The following CNTN5 variants were observed in gnomAD, a reference collection of about 807,000 sequenced individuals.
The protein encoded by CNTN5 is contactin 5, also known as contactin-5.
In CNTN5, 77 loss-of-function variants were observed where a neutral mutation model predicts 129.1. That is an observed-to-expected ratio of 0.60 (90% CI 0.50 to 0.72). The LOEUF is 0.72. Among genes scored for constraint, CNTN5 ranks in the 30% least tolerant of loss-of-function variants. The pLI is 0.00. For synonymous variants in CNTN5, 509 were observed against 465.6 expected (o/e 1.09, Z -1.20); for missense variants, 1,478 against 1,328.8 (o/e 1.11, Z -1.75).
intron 9 of CNTN5, among the ~76,000 whole-genome samples, chr11:100,020,585 T>C (rs1282335648): frequency 6.6e-6 from 1 of 152,128 alleles, no homozygotes; most frequent in African/African-American, 2.4e-5. Context: ...TTTGTTCTTT[T>C]TGCTCAAGCT....
chr11:100,145,268 C>G (rs928150844), intron 13 of CNTN5, among the ~76,000 whole-genome samples: 1 of 152,062 alleles, frequency 6.6e-6, no homozygotes, highest in Non-Finnish European at 1.5e-5. Flanking sequence ...CTGTCGTTAC[C>G]ATTCTGGATA....
intron 3 of CNTN5, among the ~76,000 whole-genome samples, chr11:99,779,854 C>T (rs1302120777): frequency 6.6e-6 from 1 of 151,890 alleles, no homozygotes; most frequent in Non-Finnish European, 1.5e-5. Context: ...CTGTGCAATC[C>T]ACCTAGACCC....
chr11:99,463,174 C>T (rs1447605890), intron 2 of CNTN5, among the ~76,000 whole-genome samples: 3 of 143,160 alleles, frequency 2.1e-5, no homozygotes, highest in Non-Finnish European at 4.6e-5. Context: ...CGCGGTGACT[C>T]ATGCCTGTAA....
intron 6 of CNTN5, among the ~76,000 whole-genome samples, chr11:99,864,344 C>T (rs182011112): frequency 3.7e-4 from 56 of 152,152 alleles, no homozygotes; most frequent in African/African-American, 1.3e-3. Context: ...TCTCTTCCTG[C>T]CACTCACTCT....
chr11:99,364,374 A>G (rs541470415), intron 2 of CNTN5, among the ~76,000 whole-genome samples: 1 of 152,240 alleles, frequency 6.6e-6, no homozygotes, highest in African/African-American at 2.4e-5. Flanking sequence ...TAGCTTATCT[A>G]ACATATATTT....
At chr11:100,028,037 A>G (rs1017913619) in intron 9 of CNTN5, among the ~76,000 whole-genome samples, 8 of 152,200 alleles carry the variant, frequency 5.3e-5, no homozygotes, top group African/African-American at 1.7e-4. Context: ...CATTTGGAAT[A>G]TTGCATATTT....
chr11:100,206,665 T>C (rs1386131090), intron 15 of CNTN5, among the ~76,000 whole-genome samples: 1 of 152,080 alleles, frequency 6.6e-6, no homozygotes, highest in Non-Finnish European at 1.5e-5. Flanking sequence ...ATGATTTTTT[T>C]TCGTGAGGCT....
At chr11:99,097,369 C>A (rs1343801580) in intron 1 of CNTN5, among the ~76,000 whole-genome samples, 6 of 151,788 alleles carry the variant, frequency 4.0e-5, no homozygotes, top group African/African-American at 1.4e-4. Context: ...TGATGTATTA[C>A]CACTAATTCA....
chr11:99,073,034 A>C (rs1456468846), intron 1 of CNTN5, among the ~76,000 whole-genome samples: 1 of 152,164 alleles, frequency 6.6e-6, no homozygotes, highest in Admixed American at 6.5e-5. Context: ...TTTGAGATTC[A>C]TCTTTGCAGT....
intron 3 of CNTN5, among the ~76,000 whole-genome samples, chr11:99,810,258 A>G (rs997897620): frequency 6.6e-6 from 1 of 152,196 alleles, no homozygotes; most frequent in African/African-American, 2.4e-5. Context: ...CAAATCTTAC[A>G]TAATTATGAC....
chr11:99,587,941 G>T (rs566320305), intron 3 of CNTN5, among the ~76,000 whole-genome samples: 1 of 152,288 alleles, frequency 6.6e-6, no homozygotes, highest in East Asian at 1.9e-4. Flanking sequence ...GAAGGAAGAA[G>T]CAAAGAGGAA....
intron 2 of CNTN5, among the ~76,000 whole-genome samples, chr11:99,338,938 A>ATG (rs2136048810): frequency 7.0e-6 from 1 of 143,328 alleles, no homozygotes; most frequent in Non-Finnish European, 1.5e-5. Flanking sequence ...ATATATATAT[A>ATG]TATATATATC....
chr11:99,046,669 T>A (rs1020967409), intron 1 of CNTN5, among the ~76,000 whole-genome samples: 2 of 151,996 alleles, frequency 1.3e-5, no homozygotes, highest in African/African-American at 4.8e-5. Context: ...TTTTAGTTTT[T>A]TCATCAATTC....
chr11:100,351,207 C>T (rs1952404125), intron 24 of CNTN5, among the ~76,000 whole-genome samples: 1 of 151,554 alleles, frequency 6.6e-6, no homozygotes, highest in South Asian at 2.1e-4. Flanking sequence ...GACATACCTA[C>T]ATTTCTGTAG....
chr11:99,482,000 A>C (rs1565219460), intron 2 of CNTN5, among the ~76,000 whole-genome samples: 1 of 152,220 alleles, frequency 6.6e-6, no homozygotes, highest in Non-Finnish European at 1.5e-5. Context: ...GAATAAATTG[A>C]TACCTTGCTA....
At chr11:100,292,761 GAGAA>G (rs746256084) in intron 18 of CNTN5, among the ~76,000 whole-genome samples, 4 of 151,946 alleles carry the variant, frequency 2.6e-5, no homozygotes, top group Non-Finnish European at 5.9e-5. Flanking sequence ...GGCAGGCAAT[GAGAA>G]AGAGTCATAA....
intron 3 of CNTN5, among the ~76,000 whole-genome samples, chr11:99,745,005 T>C (rs1944009355): frequency 2.0e-5 from 3 of 152,224 alleles, no homozygotes; most frequent in African/African-American, 7.2e-5. Flanking sequence ...TTCCAAGTAG[T>C]TGATTGATTG....
chr11:99,476,455 C>A (rs1018345341), intron 2 of CNTN5, among the ~76,000 whole-genome samples: 2 of 152,058 alleles, frequency 1.3e-5, no homozygotes, highest in Non-Finnish European at 2.9e-5. Flanking sequence ...AAGCAATGAT[C>A]TTTTAAAAAA....
At chr11:99,095,199 C>G (rs1417215738) in intron 1 of CNTN5, among the ~76,000 whole-genome samples, 1 of 151,840 alleles carries the variant, frequency 6.6e-6, no homozygotes, top group African/African-American at 2.4e-5. Context: ...ATGATTGATG[C>G]AAAACAAATA....
Sources: allele counts gnomAD v4.1 joint callset (sites outside exome capture counted in the v4.1 genomes callset), GRCh38; gene constraint gnomAD v4.1.1; transcripts MANE v1.5; gene names NCBI Gene and HGNC (gene_info 2026-07-23, HGNC 2026-07-21).